Variants in TMEM127 observed in about 807,000 individuals in gnomAD.
The protein encoded by TMEM127 is transmembrane protein 127.
Under a neutral mutation model 20.1 loss-of-function variants are expected in TMEM127, and 21 were observed. The observed-to-expected ratio is 1.04, with a 90% confidence interval of 0.74 to 1.50. TMEM127 has a LOEUF of 1.50. Among genes scored for constraint, TMEM127 ranks in the 40% most tolerant of loss-of-function variants. The pLI is 0.00. For missense variants in TMEM127, 303 were observed against 317.4 expected, an observed-to-expected ratio of 0.95 and a Z score of 0.34; for synonymous variants, 150 against 144.7, an observed-to-expected ratio of 1.04 and a Z score of -0.26.
chr2:96,254,122 G>A lies in TMEM127; in HGVS notation c.410-7C>T, dbSNP rs375440877. On this transcript the variant is annotated splice_polypyrimidine_tract_variant and splice_region_variant and intron_variant, in intron 3 of 3. Transcript: ENST00000258439. ...ACGGTGGCACACTGCAGAACTAGGA[G>A]ACAGAGGGACAGCACAGAAGGGGAA... 120 of 1,613,300 alleles carry A rather than the reference G, an allele frequency of 7.4e-5. No individual in the cohort carries two copies. Among genetic ancestry groups the A allele is most frequent in the Middle Eastern group, 1.6e-4 (1 of 6,082 alleles).
chr2:96,256,269 CAAA>C (rs149704966), intron 2 of TMEM127, among the ~76,000 whole-genome samples: 5 of 92,316 alleles, frequency 5.4e-5, no homozygotes, highest in Non-Finnish European at 4.4e-5. Context: ...GACTCTGTCT[CAAA>C]AAAAAAAAAA....
rs536071388 is a variant in TMEM127, at chr2:96,261,096, T to C, written c.244+4042A>G. On this transcript the variant is annotated intron_variant, in intron 2 of 3. Coordinates refer to ENST00000258439, the MANE Select transcript of TMEM127 (RefSeq NM_017849.4). ...TCTCCAAAGATGCTTCCTGGGGCTGTTGCCAGTGCCCTTTGGTGGCCACAC... is the reference window on the plus strand; with the variant it reads ...TCTCCAAAGATGCTTCCTGGGGCTGCTGCCAGTGCCCTTTGGTGGCCACAC... 5.3e-5 allele frequency among the ~76,000 whole-genome samples: 8 copies of C among 152,320 alleles called. No homozygotes were observed. In the East Asian group the frequency reaches 1.3e-3, roughly 26 times the overall value.
intron 2 of TMEM127, among the ~76,000 whole-genome samples, chr2:96,263,869 A>C (rs1470764449): frequency 6.6e-6 from 1 of 152,130 alleles, no homozygotes; most frequent in African/African-American, 2.4e-5. Flanking sequence ...AATGTGCTAA[A>C]AGAAAAACCA....
intron 2 of TMEM127, among the ~76,000 whole-genome samples, chr2:96,258,869 A>G (rs1684259923): frequency 6.6e-6 from 1 of 152,214 alleles, no homozygotes; most frequent in South Asian, 2.1e-4. Context: ...GCCGCTCTGC[A>G]GTAGGCCGTG....
chr2:96,260,355 T>C (rs772091092), intron 2 of TMEM127: 2 of 152,158 alleles, frequency 1.3e-5, no homozygotes, highest in Admixed American at 6.5e-5. Flanking sequence ...CATGAGGGGA[T>C]TGCTAAAGAA....
rs1003911576 is a variant in TMEM127, at chr2:96,265,969, C to T, written c.-232G>A. 13 of 185,328 alleles carry T rather than the reference C, an allele frequency of 7.0e-5. No homozygotes were observed. Among genetic ancestry groups the T allele is most frequent in the African/African-American group, 2.3e-4 (10 of 42,902 alleles). The allele number at this position is 185,328 out of a possible 1,614,324, so 11.5% of individuals were successfully genotyped here. The stretch of plus-strand genomic sequence containing the variant: ...TTCCCAGGCCCCAATCCCGCAACGC[C>T]CGGACAGACCCGGGGCCGATGCACT... On this transcript the variant is annotated 5_prime_UTR_variant, in exon 1 of 4. Transcript: ENST00000258439.
chr2:96,255,650 AATG>A (rs1314475644), intron 2 of TMEM127, among the ~76,000 whole-genome samples: 1 of 152,228 alleles, frequency 6.6e-6, no homozygotes, highest in East Asian at 1.9e-4. Flanking sequence ...TTCAGTTTGA[AATG>A]ATGATAGTTT....
chr2:96,251,554 T>C lies in TMEM127; in HGVS notation c.*2254A>G, dbSNP rs1289884338. 4.3e-6 allele frequency: 1 copy of C among 231,848 alleles called. No individual in the cohort carries two copies. Among genetic ancestry groups the C allele is most frequent in the Non-Finnish European group, 8.5e-6 (1 of 117,080 alleles). 14.4% of individuals were successfully genotyped at this position (231,848 alleles called of 1,614,324 possible). On this transcript the variant is annotated 3_prime_UTR_variant, in exon 4 of 4. Coordinates refer to ENST00000258439, the MANE Select transcript of TMEM127 (RefSeq NM_017849.4). ...AAGAAAAAGAAAAAAAAATACAGCC[T>C]CATCAACATCTCCTGCTTCTCTGAG...
chr2:96,256,420 A>C (rs1684205831), intron 2 of TMEM127, among the ~76,000 whole-genome samples: 1 of 151,256 alleles, frequency 6.6e-6, no homozygotes, highest in Admixed American at 6.6e-5. Context: ...AAAAATACAA[A>C]ATTAGCCGGG....
rs1573969010 is a variant in TMEM127 at position 96,253,889 on chromosome 2, T to C, written c.636A>G (p.Ser212=). ...EEEEQALELL[S]EMEENEPYPA... ...GGTAGGGCTCGTTCTCTTCCATCTC[T>C]GAGAGCAGCTCCAGCGCCTGCTCCT... is the stretch of plus-strand genomic sequence containing the variant. The change falls in exon 4 of 4, where the codon TCA becomes TCG. Residue 212 remains serine, a synonymous_variant. Coordinates refer to ENST00000258439, the MANE Select transcript of TMEM127 (RefSeq NM_017849.4). This position sits in a 1 kb window ranked among gnomAD's most constrained non-coding sequence, Gnocchi z 4.3. The C allele has an allele frequency of 1.2e-6, 2 of 1,614,162 alleles. No individual in the cohort carries two copies. Among genetic ancestry groups the C allele is most frequent in the Non-Finnish European group, 1.7e-6 (2 of 1,180,018 alleles).
In TMEM127 at chr2:96,253,904, C is replaced by T. The variant is rs3852673; in HGVS notation, c.621G>A (p.Ala207=). ...RHYPTEEEEQ[A]LELLSEMEEN... Reference sequence around the variant, plus strand: ...CTTCCATCTCTGAGAGCAGCTCCAGCGCCTGCTCCTCTTCCTCTGTGGGGT... The same window carrying T: ...CTTCCATCTCTGAGAGCAGCTCCAGTGCCTGCTCCTCTTCCTCTGTGGGGT... Residue 207 remains alanine (A), a synonymous_variant, in exon 4 of 4, where the codon GCG becomes GCA. Coordinates refer to ENST00000258439, the MANE Select transcript of TMEM127 (RefSeq NM_017849.4). The surrounding 1 kb of genome is among the most constrained non-coding windows in gnomAD (Gnocchi z 4.3). 0.17 allele frequency: 276,344 copies of T among 1,613,928 alleles called. 25,555 individuals carry two copies. Among genetic ancestry groups the T allele is most frequent in the South Asian group, 0.28 (25,078 of 91,070 alleles).
At position 96,248,958 on chromosome 2, in the gene TMEM127, G is replaced by A. The variant is rs1684030226; in HGVS notation, c.*4850C>T. The A allele has an allele frequency of 4.3e-6, 1 of 232,782 alleles. No homozygotes were observed. Among genetic ancestry groups the A allele is most frequent in the African/African-American group, 2.2e-5 (1 of 45,284 alleles). 14.4% of individuals were successfully genotyped at this position (232,782 alleles called of 1,614,324 possible). On this transcript the variant is annotated 3_prime_UTR_variant, in exon 4 of 4. Transcript: ENST00000258439. ...GTGTTGCTGTCCCACTCAGCTGAAGGGGCTGGCCAGTCCCGCATAAACCCT... is the reference window on the plus strand; with the variant it reads ...GTGTTGCTGTCCCACTCAGCTGAAGAGGCTGGCCAGTCCCGCATAAACCCT...
At chr2:96,263,711 G>A (rs1277242063) in intron 2 of TMEM127, among the ~76,000 whole-genome samples, 1 of 151,990 alleles carries the variant, frequency 6.6e-6, no homozygotes, top group Non-Finnish European at 1.5e-5. Context: ...CCCTAAACTG[G>A]GTAGCCTTGG....
At chr2:96,260,455 C>T (rs1684292618) in intron 2 of TMEM127, 1 of 152,290 alleles carries the variant, frequency 6.6e-6, no homozygotes, top group African/African-American at 2.4e-5. Flanking sequence ...GCCAGTGGTG[C>T]AGTCCACGAT....
rs1206221061 is a variant in TMEM127 at position 96,248,815 on chromosome 2, A to C, written c.*4993T>G. On this transcript the variant is annotated 3_prime_UTR_variant, in exon 4 of 4. Coordinates refer to ENST00000258439, the MANE Select transcript of TMEM127 (RefSeq NM_017849.4). ...AGACACCTGTACAACCCCTTAAGCC[A>C]GACGGACTCACAGCTGTCTCTGGAA... 7.8e-5 allele frequency: 18 copies of C among 232,056 alleles called. No homozygotes were observed. Among genetic ancestry groups the C allele is most frequent in the Non-Finnish European group, 1.3e-4 (15 of 117,362 alleles). 14.4% of individuals were successfully genotyped at this position (232,056 alleles called of 1,614,324 possible).
In TMEM127 at chr2:96,251,304, G is replaced by A. The variant is rs1202017612; in HGVS notation, c.*2504C>T. 5.0e-6 allele frequency: 1 copy of A among 198,068 alleles called. No individual in the cohort carries two copies. Among genetic ancestry groups the A allele is most frequent in the East Asian group, 7.9e-5 (1 of 12,642 alleles). The allele number at this position is 198,068 out of a possible 1,614,324, so 12.3% of individuals were successfully genotyped here. A position where few individuals can be genotyped will look rare whatever the true frequency, so the allele number is the denominator to read the frequency against. On this transcript the variant is annotated 3_prime_UTR_variant, in exon 4 of 4. Coordinates refer to ENST00000258439, the MANE Select transcript of TMEM127 (RefSeq NM_017849.4). ...AGGCCAAGGTGGGTGGATAACCTGA[G>A]GTTAGGAGTTCCAGACCAGCCTGGC...
In TMEM127 at chr2:96,265,242, G is replaced by A. The variant is rs1022275292; in HGVS notation, c.140C>T (p.Ala47Val). 2.5e-6 allele frequency: 4 copies of A among 1,595,934 alleles called. No homozygotes were observed. The highest frequency in any genetic ancestry group is 3.4e-6 in the Non-Finnish European group (4 of 1,175,016). The change falls in exon 2 of 4, where the codon GCC becomes GTC. Residue 47 changes from alanine to valine, a missense_variant. By Grantham distance (64) the Ala-to-Val change is moderately conservative. Transcript: ENST00000258439. ...GTGCAACCAGGCGGGCTCGGCGAGGGCAGTGCACAGCGCCGTGATAGACAG... is the reference window on the plus strand; with the variant it reads ...GTGCAACCAGGCGGGCTCGGCGAGGACAGTGCACAGCGCCGTGATAGACAG... ...GALSITALCT[A>V]LAEPAWLHIH...
At position 96,254,446 on chromosome 2, in the gene TMEM127, C is replaced by T. The variant is rs373104380; in HGVS notation, c.410-331G>A. ...GACAGCAGCTACATACAAGAAAAGG[C>T]GGGTCTGTAGGGAAGCAGGAAGGTG... On this transcript the variant is annotated intron_variant, in intron 3 of 3. Transcript: ENST00000258439. Among the ~76,000 whole-genome samples the T allele has an allele frequency of 2.6e-3, 391 of 152,226 alleles. 3 individuals are homozygous for T. The highest frequency in any genetic ancestry group is 0.016 in the South Asian group (79 of 4,814).
intron 2 of TMEM127, among the ~76,000 whole-genome samples, chr2:96,258,549 T>A (rs1684254822): frequency 6.6e-6 from 1 of 152,142 alleles, no homozygotes; most frequent in Admixed American, 6.5e-5. Context: ...TCTGTCATGA[T>A]CTCTTGTCTG....
Sources: gnomAD v4.1 joint callset for allele counts (sites outside exome capture counted in the v4.1 genomes callset) on GRCh38, gnomAD v4.1.1 for gene constraint, Gnocchi (gnomAD v3.1) non-coding constraint, MANE v1.5 for transcripts, NCBI Gene and HGNC (gene_info 2026-07-23, HGNC 2026-07-21) for gene names.